Variants in NFIA observed in about 807,000 individuals in gnomAD.
NFIA encodes nuclear factor I A.
NFIA carries 8 observed loss-of-function variants against 62.8 expected under a neutral mutation model. The observed-to-expected ratio is 0.13, with a 90% confidence interval of 0.07 to 0.23. NFIA has a LOEUF of 0.23. Among genes scored for constraint, NFIA ranks in the 10% least tolerant of loss-of-function variants. The pLI, the probability that NFIA is intolerant of heterozygous loss-of-function variation, is 1.00. For missense variants in NFIA, 410 were observed against 642.1 expected, an observed-to-expected ratio of 0.64 and a Z score of 3.91; for synonymous variants, 235 against 238.1, an observed-to-expected ratio of 0.99 and a Z score of 0.12.
At chr1:61,159,604 A>G (rs1007178699) in intron 2 of NFIA, among the ~76,000 whole-genome samples, 1 of 151,628 alleles carries the variant, frequency 6.6e-6, no homozygotes, top group Non-Finnish European at 1.5e-5. Flanking sequence ...TTCCTAATCT[A>G]TAAAATTGGG....
chr1:61,410,859 A>G (rs1666066672), intron 9 of NFIA, among the ~76,000 whole-genome samples: 2 of 152,294 alleles, frequency 1.3e-5, no homozygotes, highest in Middle Eastern at 3.4e-3. Flanking sequence ...GTGAACCAAG[A>G]TCACGCCACT....
At chr1:61,141,917 C>G (rs1647563508) in intron 2 of NFIA, among the ~76,000 whole-genome samples, 1 of 152,130 alleles carries the variant, frequency 6.6e-6, no homozygotes, top group African/African-American at 2.4e-5. Context: ...AATAATCTGC[C>G]CCCGTGATGG....
intron 7 of NFIA, among the ~76,000 whole-genome samples, chr1:61,386,512 G>A (rs966167): frequency 0.014 from 2,077 of 152,190 alleles, 52 homozygotes; most frequent in African/African-American, 0.047. Flanking sequence ...CATTTATCAC[G>A]GGAATGCTTC....
At chr1:61,243,581 T>G (rs1655471153) in intron 2 of NFIA, among the ~76,000 whole-genome samples, 1 of 152,200 alleles carries the variant, frequency 6.6e-6, no homozygotes. Context: ...TCATTGATGA[T>G]TTATTCAGAT....
chr1:61,438,422 C>A (rs1667427948), intron 10 of NFIA, among the ~76,000 whole-genome samples: 1 of 152,124 alleles, frequency 6.6e-6, no homozygotes, highest in Non-Finnish European at 1.5e-5. Flanking sequence ...CCTGTGACCA[C>A]AAAGAAGAAA....
intron 2 of NFIA, among the ~76,000 whole-genome samples, chr1:61,212,277 A>T (rs1261324799): frequency 6.6e-6 from 1 of 152,200 alleles, no homozygotes; most frequent in Non-Finnish European, 1.5e-5. Context: ...GTCACCTTTG[A>T]GACACACTAA....
At chr1:61,089,598 A>T (rs1646280397) in intron 2 of NFIA, among the ~76,000 whole-genome samples, 1 of 151,484 alleles carries the variant, frequency 6.6e-6, no homozygotes. Flanking sequence ...TTGCTAGATT[A>T]CCTTCATGGC....
intron 6 of NFIA, among the ~76,000 whole-genome samples, chr1:61,382,994 A>T (rs1470481964): frequency 1.3e-5 from 2 of 152,194 alleles, no homozygotes; most frequent in African/African-American, 4.8e-5. Flanking sequence ...AAGACCAATA[A>T]CCCAAAAATG....
rs138497708 is a variant in NFIA, at chr1:61,277,774, C to T, written c.625+189C>T. On this transcript the variant is annotated intron_variant, in intron 3 of 10. Transcript: ENST00000403491. Reference sequence around the variant, plus strand: ...CTTGTTCTCGGGATCACCCCAGCAGCCTCAGGACCCCCGGCCCTAAACACT... The same window carrying T: ...CTTGTTCTCGGGATCACCCCAGCAGTCTCAGGACCCCCGGCCCTAAACACT... 1.7e-3 allele frequency among the ~76,000 whole-genome samples: 253 copies of T among 152,236 alleles called. 3 individuals carry two copies. In the East Asian group the frequency reaches 0.045, roughly 27 times the overall value.
chr1:61,395,806 A>G (rs1291975638), intron 7 of NFIA, among the ~76,000 whole-genome samples: 1 of 152,300 alleles, frequency 6.6e-6, no homozygotes, highest in South Asian at 2.1e-4. Flanking sequence ...AAAGTAGCAC[A>G]CTCAGGTTTT....
chr1:61,147,688 G>A (rs1648109782), intron 2 of NFIA, among the ~76,000 whole-genome samples: 1 of 152,010 alleles, frequency 6.6e-6, no homozygotes, highest in Non-Finnish European at 1.5e-5. Context: ...CTTGGTCTGT[G>A]TTGTTGGAAA....
At chr1:61,358,036 A>G (rs1663055911) in intron 5 of NFIA, among the ~76,000 whole-genome samples, 1 of 115,054 alleles carries the variant, frequency 8.7e-6, no homozygotes, top group African/African-American at 5.0e-5. Context: ...AAAAAATGAG[A>G]TATATTCTGA....
chr1:61,448,095 G>A lies in NFIA; in HGVS notation c.1513-7208G>A, dbSNP rs1032729205. The stretch of plus-strand genomic sequence containing the variant: ...CTCTGATCTATGTAGTATGCCATTC[G>A]CTAACAAAAACCAAAATAGGATTGT... On this transcript the variant is annotated intron_variant, in intron 10 of 10. Transcript: ENST00000403491. Among the ~76,000 whole-genome samples the A allele has an allele frequency of 4.6e-5, 7 of 151,840 alleles. No individual in the cohort carries two copies. In the East Asian group the frequency reaches 9.7e-4, roughly 21 times the overall value.
At chr1:61,170,915 A>T (rs974975973) in intron 2 of NFIA, among the ~76,000 whole-genome samples, 17 of 3,812 alleles carry the variant, frequency 4.5e-3, no homozygotes, top group Middle Eastern at 0.083. Flanking sequence ...AGTTTCATAA[A>T]AAAAAAAGAG....
intron 10 of NFIA, among the ~76,000 whole-genome samples, chr1:61,437,807 A>G (rs1667399407): frequency 6.6e-6 from 1 of 152,182 alleles, no homozygotes; most frequent in African/African-American, 2.4e-5. Flanking sequence ...CAGGAGGAAC[A>G]GTGCATGCAA....
chr1:61,418,105 T>C (rs1666439383), intron 9 of NFIA, among the ~76,000 whole-genome samples: 1 of 152,252 alleles, frequency 6.6e-6, no homozygotes, highest in Non-Finnish European at 1.5e-5. Flanking sequence ...AAGTATTATT[T>C]GAGATTTTTA....
chr1:61,116,579 T>C (rs994343549), intron 2 of NFIA, among the ~76,000 whole-genome samples: 24 of 152,182 alleles, frequency 1.6e-4, no homozygotes, highest in Non-Finnish European at 1.5e-5. Context: ...TTAAGTTGTT[T>C]TCTGTGTGCA....
At chr1:61,212,866 A>T (rs1035503563) in intron 2 of NFIA, among the ~76,000 whole-genome samples, 5 of 152,148 alleles carry the variant, frequency 3.3e-5, no homozygotes, top group Non-Finnish European at 5.9e-5. Context: ...ACTTATTTTC[A>T]ATTTGGCAGC....
chr1:61,260,382 G>A (rs1054001352), intron 2 of NFIA, among the ~76,000 whole-genome samples: 1 of 152,142 alleles, frequency 6.6e-6, no homozygotes, highest in Admixed American at 6.5e-5. Flanking sequence ...ATTCATCAGC[G>A]GATGAATGTC....
Sources: allele counts gnomAD v4.1 joint callset (sites outside exome capture counted in the v4.1 genomes callset), GRCh38; gene constraint gnomAD v4.1.1; transcripts MANE v1.5; gene names NCBI Gene and HGNC (gene_info 2026-07-23, HGNC 2026-07-21).